MDM2: variants seen among roughly 807,000 people sequenced by gnomAD.
MDM2 encodes MDM2 proto-oncogene, also known as E3 ubiquitin-protein ligase Mdm2.
A neutral mutation model predicts 64.3 loss-of-function variants in MDM2; 11 were observed. The ratio of observed to expected loss-of-function variants is 0.17; its 90% CI spans 0.11 to 0.28. The LOEUF is 0.28. Among genes scored for constraint, MDM2 ranks in the 10% least tolerant of loss-of-function variants. MDM2 has a pLI of 1.00. For missense variants in MDM2, 388 were observed against 577.1 expected, an observed-to-expected ratio of 0.67 and a Z score of 3.36; for synonymous variants, 194 against 192.9, an observed-to-expected ratio of 1.01 and a Z score of -0.05.
chr12:68,826,742 T>TA (rs991685941), intron 7 of MDM2, among the ~76,000 whole-genome samples: 1 of 151,828 alleles, frequency 6.6e-6, no homozygotes, highest in Non-Finnish European at 1.5e-5. Context: ...AAGGATGTAA[T>TA]AAAAAATTCA....
chr12:68,825,749 G>A (rs1381495073), intron 7 of MDM2, among the ~76,000 whole-genome samples: 1 of 152,234 alleles, frequency 6.6e-6, no homozygotes, highest in African/African-American at 2.4e-5. Context: ...GGAAGTCGCA[G>A]TAACTAAGAC....
intron 5 of MDM2, 130 bp downstream of exon 5, chr12:68,820,504 A>T (rs529919814): frequency 1.4e-6 from 1 of 711,880 alleles, no homozygotes; most frequent in African/African-American, 1.8e-5. Context: ...TAATAAAAGT[A>T]TGATAAATTT....
chr12:68,818,096 C>T (rs1881542907), intron 4 of MDM2, among the ~76,000 whole-genome samples: 1 of 152,062 alleles, frequency 6.6e-6, no homozygotes. Context: ...ACCCGGCCTA[C>T]ATTTGGAATT....
chr12:68,812,135 T>A (rs1195368419), intron 2 of MDM2, among the ~76,000 whole-genome samples: 1 of 152,206 alleles, frequency 6.6e-6, no homozygotes, highest in Non-Finnish European at 1.5e-5. Flanking sequence ...AGGTTATTTT[T>A]AAATCTTTTT....
At chr12:68,827,135 G>T (rs956261100) in intron 7 of MDM2, among the ~76,000 whole-genome samples, 1 of 152,020 alleles carries the variant, frequency 6.6e-6, no homozygotes, top group Non-Finnish European at 1.5e-5. Flanking sequence ...CCGAGATTGT[G>T]CCATTATACT....
At chr12:68,836,534 CACTT>C (rs2136170550) in intron 9 of MDM2, 134 bp from the exon 10 acceptor site, 3 of 683,200 alleles carry the variant, frequency 4.4e-6, no homozygotes. Context: ...CCTTTACACT[CACTT>C]ACTCTATTTG....
chr12:68,813,464 C>G (rs529905993), intron 2 of MDM2, 90 bp from the exon 3 acceptor site: 4 of 822,482 alleles, frequency 4.9e-6, no homozygotes, highest in Admixed American at 2.3e-5. Flanking sequence ...TCCAAATCCC[C>G]TTTATTGAAC....
At chr12:68,825,370 AG>A (rs1882225004) in intron 7 of MDM2, among the ~76,000 whole-genome samples, 1 of 151,166 alleles carries the variant, frequency 6.6e-6, no homozygotes, top group Non-Finnish European at 1.5e-5. Context: ...TGAAGAGATA[AG>A]GGCCGGGCGC....
chr12:68,811,135 G>A lies in MDM2; in HGVS notation c.99+1843G>A, dbSNP rs1880855395. 3.3e-5 allele frequency among the ~76,000 whole-genome samples: 5 copies of A among 152,290 alleles called. No individual in the cohort carries two copies. In the South Asian group the frequency reaches 1.0e-3, roughly 32 times the overall value. ...CTGCCTCGGCCTCCCAAAGTGCTGGGATTACAGGCGTGAATCACTGCACCA... is the reference window on the plus strand; with the variant it reads ...CTGCCTCGGCCTCCCAAAGTGCTGGAATTACAGGCGTGAATCACTGCACCA... On this transcript the variant is annotated intron_variant, in intron 2 of 10. Coordinates refer to ENST00000258149, the MANE Select transcript of MDM2 (RefSeq NM_002392.6).
chr12:68,813,490 G>C, intron 2 of MDM2, 64 bp from the exon 3 acceptor site: 1 of 1,089,228 alleles, frequency 9.2e-7, no homozygotes, highest in East Asian at 2.4e-5. Context: ...GGATATGTTT[G>C]CTGCAGGGCC....
chr12:68,834,453 A>G (rs1377288087), intron 8 of MDM2, among the ~76,000 whole-genome samples: 3 of 150,640 alleles, frequency 2.0e-5, no homozygotes, highest in Admixed American at 1.3e-4. Flanking sequence ...AAAAAAAAAA[A>G]GGGCCGGGCA....
intron 8 of MDM2, among the ~76,000 whole-genome samples, chr12:68,835,237 T>C (rs1328385017): frequency 6.6e-6 from 1 of 152,250 alleles, no homozygotes; most frequent in African/African-American, 2.4e-5. Context: ...TTCATTATTA[T>C]ACAAGTAGTA....
At chr12:68,826,465 A>G (rs1260390552) in intron 7 of MDM2, among the ~76,000 whole-genome samples, 2 of 152,154 alleles carry the variant, frequency 1.3e-5, no homozygotes, top group East Asian at 3.9e-4. Flanking sequence ...CCTGGCCAAC[A>G]TGGTGAAACC....
rs577736495 is a variant in MDM2, at chr12:68,809,236, C to T, written c.43C>T (p.Pro15Ser). 2 of 1,614,098 alleles carry T rather than the reference C, an allele frequency of 1.2e-6. No homozygotes were observed. The highest frequency in any genetic ancestry group is 1.3e-5 in the African/African-American group (1 of 75,016). The change falls in exon 2 of 11, where the codon CCT (proline) becomes TCT (serine). Residue 15 changes from proline to serine, a missense_variant. This residue lies in a region of MDM2 where 46 missense variants were observed against 45.2 expected (regional missense o/e 1.02). Transcript: ENST00000258149. Reference protein sequence around the residue: ...RQMCNTNMSVPTDGAVTTSQI... With the variant: ...RQMCNTNMSVSTDGAVTTSQI... ...AATGTGCAATACCAACATGTCTGTA[C>T]CTACTGATGGTGCTGTAACCACCTC...
At position 68,824,386 on chromosome 12, in the gene MDM2, G is replaced by A. The variant is rs1330649346; in HGVS notation, c.382G>A (p.Val128Met). Reference sequence around the variant, plus strand: ...AGAATCATCGGACTCAGGTACATCTGTGAGTGAGAACAGGTGTCACCTTGA... The same window carrying A: ...AGAATCATCGGACTCAGGTACATCTATGAGTGAGAACAGGTGTCACCTTGA... ...QQESSDSGTS[V>M]SENRCHLEGG... Residue 128 changes from valine (V) to methionine (M), a missense_variant, in exon 6 of 11, where the codon GTG (valine) becomes ATG (methionine). This residue lies in a region of MDM2 where 168 missense variants were observed against 236.6 expected (regional missense o/e 0.71). Coordinates refer to ENST00000258149, the MANE Select transcript of MDM2 (RefSeq NM_002392.6). 1 of 1,613,796 alleles carries A rather than the reference G, an allele frequency of 6.2e-7. No homozygotes were observed. Among genetic ancestry groups the A allele is most frequent in the Non-Finnish European group, 8.5e-7 (1 of 1,179,882 alleles).
In MDM2 at chr12:68,824,626, T is replaced by C; in HGVS notation, c.498T>C (p.Ser166=). 6.2e-7 allele frequency: 1 copy of C among 1,610,322 alleles called. No homozygotes were observed. The highest frequency in any genetic ancestry group is 1.1e-5 in the South Asian group (1 of 90,558). Residue 166 remains serine (S), a synonymous_variant, in exon 7 of 11, where the codon TCT becomes TCC. Transcript: ENST00000258149. ...TGGTTTCTAGACCATCTACCTCATC[T>C]AGAAGGAGAGCAATTAGTGAGACAG... is the stretch of plus-strand genomic sequence containing the variant. ...SHLVSRPSTS[S]RRRAISETEE...
At chr12:68,832,849 T>TG (rs1882907531) in intron 8 of MDM2, among the ~76,000 whole-genome samples, 1 of 151,788 alleles carries the variant, frequency 6.6e-6, no homozygotes. Context: ...TATTTAGGTC[T>TG]GGTGCAGTGG....
chr12:68,841,267 T>C lies in MDM2; in HGVS notation c.*1418T>C, dbSNP rs1362181139. ...AAATGAAAATGTTTTTTAGGTTTTC[T>C]TGATTTAACAATAGAGACAGGGTCT... On this transcript the variant is annotated 3_prime_UTR_variant, in exon 11 of 11. Coordinates refer to ENST00000258149, the MANE Select transcript of MDM2 (RefSeq NM_002392.6). 2 of 198,702 alleles carry C rather than the reference T, an allele frequency of 1.0e-5. No individual in the cohort carries two copies. Among genetic ancestry groups the C allele is most frequent in the Admixed American group, 6.0e-5 (1 of 16,536 alleles). The allele number at this position is 198,702 out of a possible 1,614,324, so 12.3% of individuals were successfully genotyped here.
In MDM2 at chr12:68,839,366, TGAAGATAAAGGG is replaced by T. The variant is rs754773002; in HGVS notation, c.1012_1023del (p.Glu338_Gly341del). The T allele has an allele frequency of 1.9e-6, 3 of 1,613,888 alleles. No homozygotes were observed. The highest frequency in any genetic ancestry group is 1.1e-5 in the South Asian group (1 of 91,064). The stretch of plus-strand genomic sequence containing the variant: ...GGGCCCTTCGTGAGAATTGGCTTCC[TGAAGATAAAGGG>T]AAAGATAAAGGGGAAATCTCTGAGA... On this transcript the variant is annotated inframe_deletion, in exon 11 of 11. Coordinates refer to ENST00000258149, the MANE Select transcript of MDM2 (RefSeq NM_002392.6).
Sources: allele counts gnomAD v4.1 joint callset (sites outside exome capture counted in the v4.1 genomes callset), GRCh38; gene constraint gnomAD v4.1.1; regional missense constraint gnomAD v4.1.1; transcripts MANE v1.5; gene names NCBI Gene and HGNC (gene_info 2026-07-23, HGNC 2026-07-21).